Variants in KIF17 observed in about 807,000 individuals in gnomAD.
KIF17 encodes the protein kinesin family member 17, also known as kinesin-like protein KIF17.
In KIF17, 80 loss-of-function variants were observed where a neutral mutation model predicts 96.8. The observed-to-expected ratio is 0.83, with a 90% confidence interval of 0.69 to 1.00. The LOEUF (loss-of-function observed/expected upper bound fraction) is 1.00. Among genes scored for constraint, KIF17 ranks in the 50% least tolerant of loss-of-function variants. KIF17 has a pLI of 0.00. For synonymous variants in KIF17, 567 were observed against 587.5 expected, an observed-to-expected ratio of 0.97 and a Z score of 0.51; for missense variants, 1,280 against 1,372.9, an observed-to-expected ratio of 0.93 and a Z score of 1.07.
intron 13 of KIF17, 71 bp downstream of exon 13, chr1:20,670,350 A>G (rs2053618111): frequency 7.1e-7 from 1 of 1,416,560 alleles, no homozygotes; most frequent in Admixed American, 1.7e-5. Flanking sequence ...CCACAGTAAC[A>G]CTGACCCACA....
Position 20,704,601 on chromosome 1 carries a change from G to T in KIF17, c.969C>A (p.Leu323=). The change falls in exon 5 of 15, where the codon CTC becomes CTA. Residue 323 remains leucine, a synonymous_variant. Coordinates refer to ENST00000400463, the MANE Select transcript of KIF17 (RefSeq NM_001122819.3). The surrounding 1 kb of genome is among the most constrained non-coding windows in gnomAD (Gnocchi z 6.8). ...CCCGGTTGGCGTAGCGCAGCGTGCT[G>T]AGTGTCTCATCGTAGTTGTTGTCCG... ...SPADNNYDET[L]STLRYANRAK... is the part of the protein sequence containing the mutation. The T allele has an allele frequency of 6.2e-7, 1 of 1,614,202 alleles. No homozygotes were observed. Among genetic ancestry groups the T allele is most frequent in the Non-Finnish European group, 8.5e-7 (1 of 1,180,034 alleles).
At chr1:20,669,864 CAAAAAAAAAAAAAAAAAAAA>C (rs61673996) in intron 13 of KIF17, among the ~76,000 whole-genome samples, 14 of 18,436 alleles carry the variant, frequency 7.6e-4, no homozygotes, top group East Asian at 3.3e-3. Context: ...GACTCCATCT[CAAAAAAAAAAAAAAAAAAAA>C]AAAAAAAAAA....
chr1:20,709,848 CAG>C lies in KIF17; in HGVS notation c.481-22_481-21del. ...CTTCAGCTGAGGGAGGAGGAACAGTCAGGGGCGGAACCTCCAGCCGCCAAGGG... is the reference window on the plus strand; with the variant it reads ...CTTCAGCTGAGGGAGGAGGAACAGTCGGGCGGAACCTCCAGCCGCCAAGGG... On this transcript the variant is annotated intron_variant, in intron 3 of 14. Coordinates refer to ENST00000400463, the MANE Select transcript of KIF17 (RefSeq NM_001122819.3). This position sits in a 1 kb window ranked among gnomAD's most constrained non-coding sequence, Gnocchi z 4.7. 6.3e-7 allele frequency: 1 copy of C among 1,586,732 alleles called. No individual in the cohort carries two copies. Among genetic ancestry groups the C allele is most frequent in the Non-Finnish European group, 8.6e-7 (1 of 1,166,464 alleles).
intron 6 of KIF17, among the ~76,000 whole-genome samples, chr1:20,698,142 CT>C (rs1405084992): frequency 6.6e-6 from 1 of 152,240 alleles, no homozygotes; most frequent in Non-Finnish European, 1.5e-5. Flanking sequence ...CACGCAGGCC[CT>C]AAGGCGGCAT....
Position 20,717,643 on chromosome 1 carries a change from G to A in KIF17, c.64C>T (p.Leu22=). 6.2e-7 allele frequency: 1 copy of A among 1,607,374 alleles called. No homozygotes were observed. The highest frequency in any genetic ancestry group is 8.5e-7 in the Non-Finnish European group (1 of 1,179,074). The change falls in exon 1 of 15, where the codon CTG becomes TTG. Residue 22 remains leucine, a synonymous_variant. Coordinates refer to ENST00000400463, the MANE Select transcript of KIF17 (RefSeq NM_001122819.3). ...CRPMNQRERE[L]RCQPVVTVDC... is the part of the protein sequence containing the mutation. ...ACAGTCACCACGGGCTGGCAGCGCA[G>A]CTCTCGCTCCCGCTGGTTCATGGGA... is the stretch of plus-strand genomic sequence containing the variant.
Position 20,717,792 on chromosome 1 carries a change from GC to G in KIF17, c.-87del. The G allele has an allele frequency of 7.4e-7, 1 of 1,354,370 alleles. No homozygotes were observed. The highest frequency in any genetic ancestry group is 9.4e-7 in the Non-Finnish European group (1 of 1,059,794). The allele number at this position is 1,354,370 out of a possible 1,614,324, so 83.9% of individuals were successfully genotyped here. A position where few individuals can be genotyped will look rare whatever the true frequency, so the allele number is the denominator to read the frequency against. On this transcript the variant is annotated 5_prime_UTR_variant, in exon 1 of 15. Coordinates refer to ENST00000400463, the MANE Select transcript of KIF17 (RefSeq NM_001122819.3). Reference sequence around the variant, plus strand: ...CAGCCCGGGCCAAGGGGCGGGGCCAGCGCCGGCCACGGGGGGCGGGGCCTTG... The same window carrying G: ...CAGCCCGGGCCAAGGGGCGGGGCCAGGCCGGCCACGGGGGGCGGGGCCTTG...
chr1:20,684,139 G>A (rs1405423825), intron 10 of KIF17, among the ~76,000 whole-genome samples: 1 of 152,242 alleles, frequency 6.6e-6, no homozygotes, highest in Non-Finnish European at 1.5e-5. Flanking sequence ...TAGTGGAGGA[G>A]GCAGGCTGGG....
intron 8 of KIF17, 186 bp from the exon 9 acceptor site, chr1:20,686,312 G>C: frequency 1.5e-6 from 1 of 649,672 alleles, no homozygotes; most frequent in East Asian, 2.8e-5. Context: ...ACAGGGAAGA[G>C]AGGAAACGGA....
chr1:20,682,678 T>C lies in KIF17; in HGVS notation c.2438A>G (p.Lys813Arg). 1 of 1,614,066 alleles carries C rather than the reference T, an allele frequency of 6.2e-7. No homozygotes were observed. Residue 813 changes from lysine to arginine, a missense_variant, in exon 11 of 15, where the codon AAG (lysine) becomes AGG (arginine). By Grantham distance (26) the Lys-to-Arg change is conservative. Transcript: ENST00000400463. ...SIQEEVRAKSKLLEKMQRKLR... is the reference protein window; with the variant it reads ...SIQEEVRAKSRLLEKMQRKLR... ...CTTCCTCTGCATCTTCTCCAGCAGCTTGCTCTTGGCCCGCACTTCCTCCTG... is the reference window on the plus strand; with the variant it reads ...CTTCCTCTGCATCTTCTCCAGCAGCCTGCTCTTGGCCCGCACTTCCTCCTG...
intron 10 of KIF17, among the ~76,000 whole-genome samples, chr1:20,683,642 A>G (rs1264598778): frequency 6.6e-6 from 1 of 152,028 alleles, no homozygotes; most frequent in East Asian, 1.9e-4. Flanking sequence ...GCAACAGAGC[A>G]AGGCTTCATC....
intron 13 of KIF17, among the ~76,000 whole-genome samples, chr1:20,667,935 G>A (rs1279927405): frequency 6.6e-6 from 1 of 152,112 alleles, no homozygotes; most frequent in Non-Finnish European, 1.5e-5. Flanking sequence ...GCTTGAACCT[G>A]GGAGGCAGAG....
intron 11 of KIF17, among the ~76,000 whole-genome samples, chr1:20,676,167 T>TA (rs2053733805): frequency 2.6e-5 from 4 of 152,094 alleles, no homozygotes; most frequent in Admixed American, 2.0e-4. Flanking sequence ...GATTTAAATG[T>TA]AAAAAAGACG....
chr1:20,677,683 A>T (rs1359375952), intron 11 of KIF17, among the ~76,000 whole-genome samples: 1 of 152,026 alleles, frequency 6.6e-6, no homozygotes, highest in African/African-American at 2.4e-5. Flanking sequence ...GTGAAACCTC[A>T]TCTCTACTAA....
In KIF17 at chr1:20,704,904, A is replaced by G. The variant is rs762054600; in HGVS notation, c.671-5T>C. The G allele has an allele frequency of 9.4e-6, 15 of 1,599,470 alleles. No individual in the cohort carries two copies. Among genetic ancestry groups the G allele is most frequent in the Non-Finnish European group, 1.3e-5 (15 of 1,179,700 alleles). On this transcript the variant is annotated splice_polypyrimidine_tract_variant and splice_region_variant and intron_variant, in intron 4 of 14. Coordinates refer to ENST00000400463, the MANE Select transcript of KIF17 (RefSeq NM_001122819.3). This position sits in a 1 kb window ranked among gnomAD's most constrained non-coding sequence, Gnocchi z 6.8. ...GGTGGTCCTTGCCCCGCTCATCTGC[A>G]CACAGACCAGGCAAAGTGGCGAGGG...
At chr1:20,712,589 T>TAATATAGATA (rs1310115731) in intron 3 of KIF17, among the ~76,000 whole-genome samples, 1 of 15,160 alleles carries the variant, frequency 6.6e-5, no homozygotes, top group Non-Finnish European at 2.1e-4. Context: ...TATCTATATA[T>TAATATAGATA]ATATCTATAT....
Position 20,664,444 on chromosome 1 carries a change from A to C in KIF17, c.*140T>G. ...GGCTCTCTGGGGAACAGGGAAGGGA[A>C]TGTGTCTTCCCAGGGCTGAGGGAGC... On this transcript the variant is annotated 3_prime_UTR_variant, in exon 15 of 15. Transcript: ENST00000400463. The C allele has an allele frequency of 2.2e-5, 35 of 1,560,628 alleles. No individual in the cohort carries two copies. The highest frequency in any genetic ancestry group is 2.4e-5 in the Non-Finnish European group (28 of 1,155,596).
At chr1:20,712,900 T>G (rs1216462707) in intron 3 of KIF17, among the ~76,000 whole-genome samples, 1 of 114,504 alleles carries the variant, frequency 8.7e-6, no homozygotes, top group African/African-American at 3.4e-5. Flanking sequence ...GATAATATTA[T>G]CTATATTATA....
rs549148051 is a variant in KIF17 at position 20,694,278 on chromosome 1, T to C, written c.1234-3943A>G. Among the ~76,000 whole-genome samples, 60 of 152,288 alleles carry C rather than the reference T, an allele frequency of 3.9e-4. No homozygotes were observed. The Middle Eastern group carries it at 0.01, about 26-fold the overall frequency. On this transcript the variant is annotated intron_variant, in intron 6 of 14. Coordinates refer to ENST00000400463, the MANE Select transcript of KIF17 (RefSeq NM_001122819.3). ...ACACCCAGCTAATTTTTTATATTTT[T>C]GGTAGAAACAGGGTTTCACCATCTT...
In KIF17 at chr1:20,704,576, C is replaced by T. The variant is rs368424833; in HGVS notation, c.994G>A (p.Ala332Thr). The T allele has an allele frequency of 6.8e-6, 11 of 1,614,186 alleles. No homozygotes were observed. Among genetic ancestry groups the T allele is most frequent in the African/African-American group, 1.3e-5 (1 of 75,048 alleles). ...CGCGGCTTGTTCCTGATGTTCTTGG[C>T]CCGGTTGGCGTAGCGCAGCGTGCTG... is the stretch of plus-strand genomic sequence containing the variant. The part of the protein sequence containing the change: ...TLSTLRYANR[A>T]KNIRNKPRIN... Residue 332 changes from alanine to threonine, a missense_variant, in exon 5 of 15, where the codon GCC becomes ACC. Coordinates refer to ENST00000400463, the MANE Select transcript of KIF17 (RefSeq NM_001122819.3). This position sits in a 1 kb window ranked among gnomAD's most constrained non-coding sequence, Gnocchi z 6.8.
Sources: allele counts gnomAD v4.1 joint callset (sites outside exome capture counted in the v4.1 genomes callset), GRCh38; gene constraint gnomAD v4.1.1; non-coding constraint Gnocchi (gnomAD v3.1); transcripts MANE v1.5; gene names NCBI Gene and HGNC (gene_info 2026-07-23, HGNC 2026-07-21).